VPS13B: variants seen among roughly 807,000 people sequenced by gnomAD.
The protein encoded by VPS13B is vacuolar protein sorting 13 homolog B.
A neutral mutation model predicts 426.4 loss-of-function variants in VPS13B; 285 were observed. The ratio of observed to expected loss-of-function variants is 0.67; its 90% CI spans 0.61 to 0.74. The LOEUF (loss-of-function observed/expected upper bound fraction) is 0.74, where lower values mean the gene tolerates loss of function less well. Ranked by LOEUF, VPS13B falls within the 30% of genes least tolerant of loss-of-function variation. The pLI is 0.00. For missense variants in VPS13B, 4,537 were observed against 4,782.6 expected (o/e 0.95, Z 1.51); for synonymous variants, 1,676 against 1,676.4 (o/e 1.00, Z 0.01).
At chr8:99,596,604 A>G (rs1327702607) in intron 33 of VPS13B, among the ~76,000 whole-genome samples, 2 of 151,960 alleles carry the variant, frequency 1.3e-5, no homozygotes, top group African/African-American at 4.8e-5. Context: ...AGATTAGAGC[A>G]TAGGGGAAAT....
chr8:99,297,202 T>G (rs1820088139), intron 19 of VPS13B, among the ~76,000 whole-genome samples: 1 of 152,168 alleles, frequency 6.6e-6, no homozygotes, highest in African/African-American at 2.4e-5. Flanking sequence ...TTTTCTTTTT[T>G]TCTTATATTG....
At chr8:99,338,329 C>T (rs1158861298) in intron 19 of VPS13B, among the ~76,000 whole-genome samples, 2 of 152,034 alleles carry the variant, frequency 1.3e-5, no homozygotes, top group African/African-American at 2.4e-5. Context: ...AATCCTTGAA[C>T]GTAGTGTATC....
chr8:99,049,836 C>A (rs1046041251), intron 3 of VPS13B, among the ~76,000 whole-genome samples: 61 of 151,846 alleles, frequency 4.0e-4, no homozygotes, highest in Non-Finnish European at 1.6e-4. Flanking sequence ...AACATAATCC[C>A]AGACTTCTTG....
At chr8:99,123,600 GAAAT>G (rs1848053492) in intron 8 of VPS13B, among the ~76,000 whole-genome samples, 1 of 152,118 alleles carries the variant, frequency 6.6e-6, no homozygotes, top group Non-Finnish European at 1.5e-5. Context: ...GTAAGGAAAA[GAAAT>G]AGATAGGAAT....
At chr8:99,629,699 G>A (rs748205216) in intron 33 of VPS13B, among the ~76,000 whole-genome samples, 2 of 152,140 alleles carry the variant, frequency 1.3e-5, no homozygotes, top group Non-Finnish European at 2.9e-5. Flanking sequence ...TAAAGAGGAG[G>A]CCCCAGCATT....
chr8:99,282,201 A>G (rs1375450642), intron 19 of VPS13B, among the ~76,000 whole-genome samples: 1 of 152,132 alleles, frequency 6.6e-6, no homozygotes, highest in Non-Finnish European at 1.5e-5. Flanking sequence ...CCACCCCACC[A>G]ATTAAATATC....
chr8:99,378,067 C>T (rs1450784818), intron 19 of VPS13B, among the ~76,000 whole-genome samples: 1 of 149,708 alleles, frequency 6.7e-6, no homozygotes, highest in African/African-American at 2.5e-5. Context: ...CTGCAGGAGG[C>T]CAGGACGTGT....
chr8:99,212,453 A>C (rs1164395928), intron 17 of VPS13B, among the ~76,000 whole-genome samples: 1 of 152,206 alleles, frequency 6.6e-6, no homozygotes. Context: ...CTGTGAGCCT[A>C]TGAGATCTGC....
chr8:99,418,958 T>C (rs1468112285), intron 21 of VPS13B, among the ~76,000 whole-genome samples: 1 of 152,336 alleles, frequency 6.6e-6, no homozygotes, highest in East Asian at 1.9e-4. Flanking sequence ...CAGGTCCTAC[T>C]GAACCATTTC....
intron 42 of VPS13B, among the ~76,000 whole-genome samples, chr8:99,779,450 A>T (rs1230090649): frequency 6.6e-6 from 1 of 152,230 alleles, no homozygotes; most frequent in African/African-American, 2.4e-5. Context: ...CTTTTCAAAC[A>T]AACAAACAAA....
chr8:99,139,138 T>C (rs1334991682), intron 12 of VPS13B, among the ~76,000 whole-genome samples: 3 of 152,206 alleles, frequency 2.0e-5, no homozygotes. Flanking sequence ...AATTTAAAAC[T>C]GAACACCTGT....
intron 40 of VPS13B, among the ~76,000 whole-genome samples, chr8:99,768,370 A>G (rs1811330373): frequency 6.6e-6 from 1 of 152,200 alleles, no homozygotes; most frequent in Non-Finnish European, 1.5e-5. Flanking sequence ...CTTTTTGCCC[A>G]TATGTGTACA....
intron 21 of VPS13B, among the ~76,000 whole-genome samples, chr8:99,411,874 T>G (rs1815683418): frequency 6.6e-6 from 1 of 151,942 alleles, no homozygotes; most frequent in Admixed American, 6.6e-5. Flanking sequence ...GTTGTAGATG[T>G]GTGGTGTTAT....
intron 17 of VPS13B, among the ~76,000 whole-genome samples, chr8:99,200,697 C>A (rs1319122721): frequency 2.0e-5 from 3 of 152,040 alleles, no homozygotes; most frequent in Non-Finnish European, 4.4e-5. Context: ...TCTATCTCTT[C>A]TATGGAGAAA....
intron 19 of VPS13B, among the ~76,000 whole-genome samples, chr8:99,338,395 C>G (rs1255999973): frequency 5.3e-5 from 8 of 151,888 alleles, no homozygotes; most frequent in Non-Finnish European, 1.2e-4. Context: ...TTCTTGCGTA[C>G]TACATTCCAT....
intron 33 of VPS13B, among the ~76,000 whole-genome samples, chr8:99,580,609 G>T (rs879555084): frequency 2.6e-5 from 4 of 152,002 alleles, no homozygotes; most frequent in Non-Finnish European, 5.9e-5. Context: ...TCCAACACTG[G>T]GAGGCTGAGG....
At chr8:99,659,890 C>G (rs185317239) in intron 34 of VPS13B, among the ~76,000 whole-genome samples, 131 of 152,230 alleles carry the variant, frequency 8.6e-4, no homozygotes, top group African/African-American at 3.1e-3. Context: ...TGATAATAAC[C>G]ACTTTTGATG....
At chr8:99,045,525 TC>T (rs1393122235) in intron 3 of VPS13B, among the ~76,000 whole-genome samples, 8 of 152,232 alleles carry the variant, frequency 5.3e-5, no homozygotes, top group Non-Finnish European at 1.2e-4. Context: ...TGCTGACTGT[TC>T]CTTTTGCCGT....
intron 17 of VPS13B, among the ~76,000 whole-genome samples, chr8:99,230,689 A>G (rs1323850556): frequency 4.6e-5 from 7 of 152,234 alleles, no homozygotes; most frequent in Non-Finnish European, 4.4e-5. Flanking sequence ...AACTTGCTTT[A>G]TAGAGTATAG....
Sources: allele counts gnomAD v4.1 joint callset (sites outside exome capture counted in the v4.1 genomes callset), GRCh38; gene constraint gnomAD v4.1.1; transcripts MANE v1.5; gene names NCBI Gene and HGNC (gene_info 2026-07-23, HGNC 2026-07-21).